PCDH9: variants seen among roughly 807,000 people sequenced by gnomAD.
The protein encoded by PCDH9 is protocadherin-9.
Under a neutral mutation model 70.6 loss-of-function variants are expected in PCDH9, and 24 were observed. The ratio of observed to expected loss-of-function variants is 0.34; its 90% CI spans 0.25 to 0.48. The LOEUF (loss-of-function observed/expected upper bound fraction) is 0.48, where lower values mean the gene tolerates loss of function less well. PCDH9 is among the 20% of genes least tolerant of loss of function. The probability of loss-of-function intolerance (pLI) is 0.99; values close to 1 mark genes in which losing one functional copy is unlikely to be tolerated. For missense variants in PCDH9, 1,281 were observed against 1,503.6 expected (o/e 0.85, Z 2.45); for synonymous variants, 562 against 558.5 (o/e 1.01, Z -0.09).
At position 67,226,074 on chromosome 13, in the gene PCDH9, G is replaced by A; in HGVS notation, c.2367C>T (p.Arg789=). Residue 789 remains arginine, a synonymous_variant, in exon 2 of 5, where the codon CGC becomes CGT. Transcript: ENST00000377865. This position sits in a 1 kb window ranked among gnomAD's most constrained non-coding sequence, Gnocchi z 5.0. The stretch of plus-strand genomic sequence containing the variant: ...TGTCCAACGGGGTCTCCATAGTCCT[G>A]CGGATCAAGTCATAGATATAGGAGG... ...GNASYIYDLI[R]RTMETPLDRN... 6.2e-7 allele frequency: 1 copy of A among 1,614,040 alleles called. No homozygotes were observed. Among genetic ancestry groups the A allele is most frequent in the Non-Finnish European group, 8.5e-7 (1 of 1,179,954 alleles).
intron 3 of PCDH9, among the ~76,000 whole-genome samples, chr13:66,819,766 C>T (rs1245822048): frequency 6.6e-6 from 1 of 152,060 alleles, no homozygotes; most frequent in East Asian, 1.9e-4. Context: ...CATGGTGGCA[C>T]CTGCCTCTGG....
At chr13:66,538,557 G>A (rs933282848) in intron 4 of PCDH9, among the ~76,000 whole-genome samples, 1 of 152,060 alleles carries the variant, frequency 6.6e-6, no homozygotes, top group Non-Finnish European at 1.5e-5. Flanking sequence ...GGGGACTCAG[G>A]GAAGGGCTGC....
At chr13:66,466,138 T>G (rs1350496933) in intron 4 of PCDH9, among the ~76,000 whole-genome samples, 1 of 151,982 alleles carries the variant, frequency 6.6e-6, no homozygotes, top group Non-Finnish European at 1.5e-5. Flanking sequence ...ATCAGTTCAA[T>G]TCCATAAAAT....
At chr13:66,852,987 A>G (rs933977292) in intron 3 of PCDH9, among the ~76,000 whole-genome samples, 6 of 152,108 alleles carry the variant, frequency 3.9e-5, no homozygotes, top group Non-Finnish European at 7.4e-5. Flanking sequence ...AGAAGAAGAG[A>G]AATAGTAAGA....
intron 2 of PCDH9, chr13:66,978,277 T>C (rs2083661993): frequency 6.6e-6 from 1 of 152,012 alleles, no homozygotes; most frequent in Admixed American, 6.6e-5. Context: ...ATTTAAATGA[T>C]AATTTTCAGA....
At chr13:66,947,397 A>G (rs1245030306) in intron 2 of PCDH9, among the ~76,000 whole-genome samples, 1 of 152,208 alleles carries the variant, frequency 6.6e-6, no homozygotes. Context: ...TTCTATAAAA[A>G]TAAATTGATA....
chr13:66,918,534 C>T (rs563249166), intron 2 of PCDH9, among the ~76,000 whole-genome samples: 1 of 151,228 alleles, frequency 6.6e-6, no homozygotes, highest in South Asian at 2.1e-4. Flanking sequence ...TTCAGTATTA[C>T]TTAGGCAAAA....
chr13:67,192,297 G>T (rs2088938472), intron 2 of PCDH9, among the ~76,000 whole-genome samples: 1 of 152,116 alleles, frequency 6.6e-6, no homozygotes, highest in South Asian at 2.1e-4. Context: ...AGTGAAAAGT[G>T]TTAAAATAAT....
At chr13:67,127,252 AC>A (rs1170487188) in intron 2 of PCDH9, among the ~76,000 whole-genome samples, 1 of 152,136 alleles carries the variant, frequency 6.6e-6, no homozygotes, top group Non-Finnish European at 1.5e-5. Flanking sequence ...CAATGGAAAA[AC>A]AGGTGGACTG....
intron 2 of PCDH9, among the ~76,000 whole-genome samples, chr13:67,172,950 GT>G (rs1395917338): frequency 1.3e-5 from 2 of 148,546 alleles, no homozygotes; most frequent in Non-Finnish European, 3.0e-5. Flanking sequence ...ATTTTTTAAA[GT>G]CTTAAATATT....
chr13:66,575,653 A>T (rs577474801), intron 4 of PCDH9, among the ~76,000 whole-genome samples: 3 of 152,198 alleles, frequency 2.0e-5, no homozygotes, highest in Admixed American at 6.5e-5. Context: ...TATCCTCTTT[A>T]TCCATCAATA....
intron 2 of PCDH9, among the ~76,000 whole-genome samples, chr13:66,998,695 G>A (rs1208015356): frequency 2.0e-5 from 3 of 152,016 alleles, no homozygotes; most frequent in Non-Finnish European, 4.4e-5. Context: ...ACACATTCCT[G>A]CCAGTTGTCT....
intron 3 of PCDH9, among the ~76,000 whole-genome samples, chr13:66,719,140 T>G (rs1479330389): frequency 6.6e-6 from 1 of 152,222 alleles, no homozygotes; most frequent in Non-Finnish European, 1.5e-5. Context: ...TTTAATAGAT[T>G]GCAATTTGGT....
intron 2 of PCDH9, among the ~76,000 whole-genome samples, chr13:66,948,418 C>A (rs2083124291): frequency 6.6e-6 from 1 of 151,908 alleles, no homozygotes; most frequent in Non-Finnish European, 1.5e-5. Flanking sequence ...TTTTTCACTT[C>A]TCAAAATTAG....
intron 3 of PCDH9, among the ~76,000 whole-genome samples, chr13:66,676,168 T>C (rs2078239801): frequency 6.6e-6 from 1 of 152,124 alleles, no homozygotes; most frequent in Admixed American, 6.6e-5. Context: ...GATTCACAAA[T>C]TCAATAACTT....
At chr13:66,613,775 C>T (rs2077322396) in intron 4 of PCDH9, among the ~76,000 whole-genome samples, 1 of 151,948 alleles carries the variant, frequency 6.6e-6, no homozygotes, top group Non-Finnish European at 1.5e-5. Context: ...ATTAATTTGG[C>T]CTAAATAAAG....
intron 2 of PCDH9, among the ~76,000 whole-genome samples, chr13:67,044,396 C>T (rs966285285): frequency 6.6e-6 from 1 of 152,054 alleles, no homozygotes; most frequent in Non-Finnish European, 1.5e-5. Flanking sequence ...CAAAATGATA[C>T]CCCAAATGCC....
At chr13:66,551,626 G>T (rs74093332) in intron 4 of PCDH9, among the ~76,000 whole-genome samples, 2,790 of 152,166 alleles carry the variant, frequency 0.018, 92 homozygotes, top group African/African-American at 0.063. Flanking sequence ...TTATTTAGTA[G>T]ATTTCAAGTC....
intron 3 of PCDH9, among the ~76,000 whole-genome samples, chr13:66,701,391 AC>A (rs2078646300): frequency 6.6e-6 from 1 of 152,162 alleles, no homozygotes; most frequent in South Asian, 2.1e-4. Flanking sequence ...ATATATATAT[AC>A]ATATATGTGT....
Sources: allele counts gnomAD v4.1 joint callset (sites outside exome capture counted in the v4.1 genomes callset), GRCh38; gene constraint gnomAD v4.1.1; non-coding constraint Gnocchi (gnomAD v3.1); transcripts MANE v1.5; gene names NCBI Gene and HGNC (gene_info 2026-07-23, HGNC 2026-07-21).